The following GPR158 variants were observed in gnomAD, a reference collection of about 807,000 sequenced individuals.
GPR158 encodes the protein G protein-coupled receptor 158, also known as metabotropic glycine receptor.
GPR158 carries 30 observed loss-of-function variants against 78.2 expected under a neutral mutation model. That is an observed-to-expected ratio of 0.38 (90% CI 0.29 to 0.52). The LOEUF is 0.52. GPR158 is among the 20% of genes least tolerant of loss of function. The probability of loss-of-function intolerance (pLI) is 0.83; values close to 1 mark genes in which losing one functional copy is unlikely to be tolerated. For missense variants in GPR158, 1,463 were observed against 1,523.5 expected (o/e 0.96, Z 0.66); for synonymous variants, 581 against 591.1 (o/e 0.98, Z 0.25).
intron 5 of GPR158, among the ~76,000 whole-genome samples, chr10:25,547,594 G>A (rs1836679330): frequency 1.3e-5 from 2 of 152,012 alleles, no homozygotes; most frequent in Non-Finnish European, 2.9e-5. Flanking sequence ...CCTTTCCTCT[G>A]AAATCCTCAT....
At chr10:25,383,490 G>GT (rs1834184595) in intron 2 of GPR158, among the ~76,000 whole-genome samples, 1 of 152,068 alleles carries the variant, frequency 6.6e-6, no homozygotes, top group Admixed American at 6.5e-5. Flanking sequence ...GGGGGGTTTC[G>GT]TTTTCAGGAA....
intron 5 of GPR158, among the ~76,000 whole-genome samples, chr10:25,513,178 T>G (rs190935258): frequency 1.1e-4 from 17 of 152,028 alleles, no homozygotes; most frequent in Admixed American, 3.9e-4. Flanking sequence ...ATTTTTTTTT[T>G]TTGTTGGCAA....
chr10:25,525,170 A>G (rs1303106353), intron 5 of GPR158, among the ~76,000 whole-genome samples: 3 of 152,218 alleles, frequency 2.0e-5, no homozygotes, highest in Non-Finnish European at 2.9e-5. Context: ...AACATCATCC[A>G]TTGCTGGTAG....
intron 2 of GPR158, among the ~76,000 whole-genome samples, chr10:25,309,922 T>C (rs1854739428): frequency 6.6e-6 from 1 of 151,454 alleles, no homozygotes; most frequent in Non-Finnish European, 1.5e-5. Flanking sequence ...ATCTTGAGTA[T>C]GTCTTTATTC....
intron 2 of GPR158, among the ~76,000 whole-genome samples, chr10:25,345,375 C>T (rs1855358630): frequency 6.6e-6 from 1 of 151,910 alleles, no homozygotes; most frequent in African/African-American, 2.4e-5. Flanking sequence ...GTACTTTGAT[C>T]TCGTAAAATC....
At chr10:25,342,980 G>A (rs1429039937) in intron 2 of GPR158, among the ~76,000 whole-genome samples, 1 of 151,512 alleles carries the variant, frequency 6.6e-6, no homozygotes, top group African/African-American at 2.4e-5. Context: ...ATCTTCTTAG[G>A]GTTTCTGAAA....
intron 2 of GPR158, among the ~76,000 whole-genome samples, chr10:25,392,080 C>T (rs534230832): frequency 1.2e-4 from 18 of 152,274 alleles, no homozygotes; most frequent in Admixed American, 4.6e-4. Flanking sequence ...TGTGAGGCCT[C>T]CCCAGCCATG....
intron 1 of GPR158, among the ~76,000 whole-genome samples, chr10:25,209,412 A>G (rs751400296): frequency 6.6e-6 from 1 of 152,076 alleles, no homozygotes; most frequent in Non-Finnish European, 1.5e-5. Flanking sequence ...TCAGTGCTCA[A>G]TGCATTTTGA....
intron 2 of GPR158, among the ~76,000 whole-genome samples, chr10:25,357,504 G>T (rs1326859046): frequency 6.6e-6 from 1 of 152,088 alleles, no homozygotes; most frequent in Non-Finnish European, 1.5e-5. Context: ...CTAGGGACTT[G>T]GTGCCCTTTA....
chr10:25,471,355 A>G (rs1835498742), intron 5 of GPR158, among the ~76,000 whole-genome samples: 1 of 152,112 alleles, frequency 6.6e-6, no homozygotes, highest in African/African-American at 2.4e-5. Flanking sequence ...ATCCCAGTCT[A>G]TCATTGATAG....
chr10:25,542,357 A>G (rs375075154), intron 5 of GPR158, among the ~76,000 whole-genome samples: 2 of 152,194 alleles, frequency 1.3e-5, no homozygotes, highest in South Asian at 2.1e-4. Context: ...TTTGACTCTC[A>G]GAGCTTTGGG....
At chr10:25,563,031 A>AT (rs1836878862) in intron 6 of GPR158, among the ~76,000 whole-genome samples, 1 of 152,028 alleles carries the variant, frequency 6.6e-6, no homozygotes, top group African/African-American at 2.4e-5. Context: ...ATATAATGTC[A>AT]TTTTTTGTCT....
At chr10:25,508,690 T>A (rs1013944086) in intron 5 of GPR158, among the ~76,000 whole-genome samples, 5 of 152,096 alleles carry the variant, frequency 3.3e-5, no homozygotes, top group Admixed American at 1.3e-4. Context: ...ATCTGGCAGG[T>A]CACCAGGGTC....
chr10:25,380,165 G>GAAGACAACCCACTATCCAGCTT (rs1834135546), intron 2 of GPR158, among the ~76,000 whole-genome samples: 1 of 152,068 alleles, frequency 6.6e-6, no homozygotes, highest in Non-Finnish European at 1.5e-5. Context: ...TTGCAGTGAA[G>GAAGACAACCCACTATCCAGCTT]AAGACAACCC....
chr10:25,323,092 G>A (rs1424152259), intron 2 of GPR158, among the ~76,000 whole-genome samples: 1 of 152,064 alleles, frequency 6.6e-6, no homozygotes, highest in Admixed American at 6.6e-5. Flanking sequence ...TGATCTGCCT[G>A]CCTCGTCCTC....
intron 2 of GPR158, among the ~76,000 whole-genome samples, chr10:25,249,630 A>T (rs1332814008): frequency 1.3e-5 from 2 of 151,174 alleles, no homozygotes; most frequent in Non-Finnish European, 3.0e-5. Flanking sequence ...ATTTGCGTAT[A>T]TTGAACCAGC....
intron 2 of GPR158, among the ~76,000 whole-genome samples, chr10:25,252,114 G>T (rs878898632): frequency 1.3e-5 from 2 of 152,066 alleles, no homozygotes; most frequent in African/African-American, 4.8e-5. Flanking sequence ...ATCAGCTCCT[G>T]AGGCTTCTGC....
intron 3 of GPR158, among the ~76,000 whole-genome samples, chr10:25,402,440 A>G (rs1834460182): frequency 6.6e-6 from 1 of 152,096 alleles, no homozygotes; most frequent in African/African-American, 2.4e-5. Flanking sequence ...TATGTATTAG[A>G]TGATAATATT....
At chr10:25,465,310 A>G (rs1260492943) in intron 4 of GPR158, among the ~76,000 whole-genome samples, 8 of 152,218 alleles carry the variant, frequency 5.3e-5, no homozygotes, top group Admixed American at 5.2e-4. Flanking sequence ...CAGCATGCCT[A>G]AAATGACCTG....
Sources: gnomAD v4.1 joint callset for allele counts (sites outside exome capture counted in the v4.1 genomes callset) on GRCh38, gnomAD v4.1.1 for gene constraint, MANE v1.5 for transcripts, NCBI Gene and HGNC (gene_info 2026-07-23, HGNC 2026-07-21) for gene names.